Variants in TRDN observed in about 807,000 individuals in gnomAD.
The protein encoded by TRDN is triadin.
A neutral mutation model predicts 149.7 loss-of-function variants in TRDN; 161 were observed. The ratio of observed to expected loss-of-function variants is 1.08; its 90% confidence interval spans 0.95 to 1.23. The LOEUF (loss-of-function observed/expected upper bound fraction) is 1.23, where lower values mean the gene tolerates loss of function less well. Among genes scored for constraint, TRDN ranks in the 50% most tolerant of loss-of-function variants. The probability of loss-of-function intolerance (pLI) is 0.00; values close to 1 mark genes in which losing one functional copy is unlikely to be tolerated. For missense variants in TRDN, 896 were observed against 823.5 expected, an observed-to-expected ratio of 1.09 and a Z score of -1.08; for synonymous variants, 294 against 250.5, an observed-to-expected ratio of 1.17 and a Z score of -1.64.
chr6:123,598,169 T>C (rs574916068), intron 1 of TRDN, among the ~76,000 whole-genome samples: 153 of 152,100 alleles, frequency 1.0e-3, no homozygotes, highest in Non-Finnish European at 1.9e-3. Flanking sequence ...TCTGCAAATG[T>C]AAATCAGGGA....
At chr6:123,365,987 T>C in intron 20 of TRDN, 148 bp downstream of exon 20, 3 of 636,166 alleles carry the variant, frequency 4.7e-6, no homozygotes, top group African/African-American at 1.9e-5. Flanking sequence ...AATGATAAAA[T>C]CTTGTGCAAA....
intron 9 of TRDN, among the ~76,000 whole-genome samples, chr6:123,468,347 T>G (rs1776954600): frequency 6.6e-6 from 1 of 152,208 alleles, no homozygotes; most frequent in Non-Finnish European, 1.5e-5. Flanking sequence ...CCCTCTGACA[T>G]TCAAACACAG....
chr6:123,600,120 A>C (rs948380881), intron 1 of TRDN, among the ~76,000 whole-genome samples: 5 of 152,070 alleles, frequency 3.3e-5, no homozygotes, highest in Non-Finnish European at 5.9e-5. Flanking sequence ...TGAATGCCAC[A>C]TGATGCCTTT....
At chr6:123,238,664 C>T (rs763275374) in intron 38 of TRDN, among the ~76,000 whole-genome samples, 5 of 151,854 alleles carry the variant, frequency 3.3e-5, no homozygotes, top group East Asian at 1.9e-4. Context: ...TTTTAGTATA[C>T]AACGTAAAAT....
chr6:123,267,730 C>A lies in TRDN; in HGVS notation c.1760G>T (p.Arg587Ile). 6.3e-7 allele frequency: 1 copy of A among 1,580,982 alleles called. No individual in the cohort carries two copies. The highest frequency in any genetic ancestry group is 2.3e-5 in the East Asian group (1 of 43,552). Residue 587 changes from arginine (R) to isoleucine (I), a missense_variant, in exon 32 of 41, where the codon AGA (arginine) becomes ATA (isoleucine). By Grantham distance (97) the Arg-to-Ile change is moderately conservative. Transcript: ENST00000334268. ...KPTKKAEHRE[R>I]EPPSIKTDKP... Reference sequence around the variant, plus strand: ...ACCTGTTTTTATAGATGGAGGTTCTCTTTCTCGATGTTCAGCTTTTTCTAG... The same window carrying A: ...ACCTGTTTTTATAGATGGAGGTTCTATTTCTCGATGTTCAGCTTTTTCTAG...
chr6:123,594,550 T>A (rs895687757), intron 1 of TRDN, among the ~76,000 whole-genome samples: 1 of 152,008 alleles, frequency 6.6e-6, no homozygotes, highest in African/African-American at 2.4e-5. Context: ...CTTTCTTCAC[T>A]TATCCCAGAA....
At chr6:123,565,214 G>A (rs1261253503) in intron 2 of TRDN, among the ~76,000 whole-genome samples, 1 of 152,138 alleles carries the variant, frequency 6.6e-6, no homozygotes, top group South Asian at 2.1e-4. Flanking sequence ...TGAGAGGGAG[G>A]TCTTTCTGGC....
intron 7 of TRDN, among the ~76,000 whole-genome samples, chr6:123,505,034 A>G (rs1778855626): frequency 6.6e-6 from 1 of 152,078 alleles, no homozygotes; most frequent in South Asian, 2.1e-4. Flanking sequence ...TCATGAGGTC[A>G]GCAGATCAAG....
At chr6:123,247,245 C>G (rs1776215063) in intron 38 of TRDN, among the ~76,000 whole-genome samples, 1 of 152,180 alleles carries the variant, frequency 6.6e-6, no homozygotes, top group South Asian at 2.1e-4. Context: ...GTTGGAAGTT[C>G]TAACCAGGGC....
chr6:123,381,224 T>C lies in TRDN; in HGVS notation c.1186+146A>G. On this transcript the variant is annotated intron_variant, in intron 16 of 40. Coordinates refer to ENST00000334268, the MANE Select transcript of TRDN (RefSeq NM_006073.4). Reference sequence around the variant, plus strand: ...TCCACTCTAACCCCCAGACTGTGTATTTTTTCACTTGGACAAAAAACAACA... The same window carrying C: ...TCCACTCTAACCCCCAGACTGTGTACTTTTTCACTTGGACAAAAAACAACA... 5.5e-6 allele frequency: 4 copies of C among 722,354 alleles called. No homozygotes were observed. In the South Asian group the frequency reaches 7.7e-5, roughly 14 times the overall value. 44.7% of individuals were successfully genotyped at this position (722,354 alleles called of 1,614,324 possible). A position where few individuals can be genotyped will look rare whatever the true frequency, so the allele number is the denominator to read the frequency against.
intron 21 of TRDN, chr6:123,350,424 TAAATA>T (rs1780417979): frequency 5.0e-6 from 3 of 595,026 alleles, no homozygotes; most frequent in Non-Finnish European, 6.3e-6. Context: ...TTTAAACAAA[TAAATA>T]AAATAAATAT....
In TRDN at chr6:123,497,182, G is replaced by T. The variant is rs1406054888; in HGVS notation, c.853+11C>A. 1 of 1,534,752 alleles carries T rather than the reference G, an allele frequency of 6.5e-7. No individual in the cohort carries two copies. Among genetic ancestry groups the T allele is most frequent in the South Asian group, 1.2e-5 (1 of 80,820 alleles). On this transcript the variant is annotated intron_variant, in intron 9 of 40. Transcript: ENST00000334268. ...ATTAAAACAGACAAGTACAAGAATT[G>T]CTTGGAATACCTGGTTTTAAATCCC...
chr6:123,440,011 TA>T (rs1432026949), intron 10 of TRDN, among the ~76,000 whole-genome samples: 4 of 152,210 alleles, frequency 2.6e-5, no homozygotes, highest in African/African-American at 7.2e-5. Context: ...TACCCAGAAC[TA>T]TTATAAGATC....
intron 9 of TRDN, among the ~76,000 whole-genome samples, chr6:123,479,867 T>C (rs1442001383): frequency 1.3e-5 from 2 of 152,148 alleles, no homozygotes; most frequent in Non-Finnish European, 2.9e-5. Context: ...AATGTAATAT[T>C]CCATAGTACA....
At chr6:123,563,935 C>T (rs908303288) in intron 2 of TRDN, among the ~76,000 whole-genome samples, 2 of 152,078 alleles carry the variant, frequency 1.3e-5, no homozygotes, top group Non-Finnish European at 2.9e-5. Flanking sequence ...AGGCTCTTGC[C>T]TTTATTAAAA....
intron 38 of TRDN, among the ~76,000 whole-genome samples, chr6:123,242,942 A>G (rs1776042005): frequency 6.6e-6 from 1 of 152,180 alleles, no homozygotes; most frequent in Non-Finnish European, 1.5e-5. Context: ...GAGCAGCTAT[A>G]GCATGACATC....
At chr6:123,629,795 T>A (rs1484400503) in intron 1 of TRDN, among the ~76,000 whole-genome samples, 2 of 152,080 alleles carry the variant, frequency 1.3e-5, no homozygotes, top group East Asian at 3.8e-4. Flanking sequence ...AGATGTTTGA[T>A]GTTTAGAGAG....
intron 12 of TRDN, among the ~76,000 whole-genome samples, chr6:123,433,434 C>A (rs1265876960): frequency 1.3e-5 from 2 of 151,872 alleles, no homozygotes; most frequent in African/African-American, 2.4e-5. Flanking sequence ...TCCATTAGGG[C>A]AGATCTTGTC....
intron 10 of TRDN, among the ~76,000 whole-genome samples, chr6:123,443,733 C>T (rs996793355): frequency 6.7e-6 from 1 of 149,882 alleles, no homozygotes; most frequent in Non-Finnish European, 1.5e-5. Context: ...CAGCTTTCTA[C>T]ATATGGCTAG....
Sources: allele counts gnomAD v4.1 joint callset (sites outside exome capture counted in the v4.1 genomes callset), GRCh38; gene constraint gnomAD v4.1.1; transcripts MANE v1.5; gene names NCBI Gene and HGNC (gene_info 2026-07-23, HGNC 2026-07-21).